BRAF: variants seen among roughly 807,000 people sequenced by gnomAD.
BRAF encodes serine/threonine-protein kinase B-raf.
A neutral mutation model predicts 104.6 loss-of-function variants in BRAF; 16 were observed. The ratio of observed to expected loss-of-function variants is 0.15; its 90% CI spans 0.10 to 0.23. The LOEUF is 0.23. BRAF is among the 10% of genes least tolerant of loss of function. The pLI, the probability that BRAF is intolerant of heterozygous loss-of-function variation, is 1.00. For synonymous variants in BRAF, 310 were observed against 341.6 expected (o/e 0.91, Z 1.02); for missense variants, 541 against 937.3 (o/e 0.58, Z 5.52).
intron 1 of BRAF, among the ~76,000 whole-genome samples, chr7:140,889,529 T>G (rs955830067): frequency 2.6e-5 from 4 of 152,104 alleles, no homozygotes; most frequent in African/African-American, 4.8e-5. Flanking sequence ...GAGAACAAAA[T>G]TTTTAAGTCT....
intron 2 of BRAF, among the ~76,000 whole-genome samples, chr7:140,845,346 C>T (rs1808432391): frequency 1.3e-5 from 2 of 151,766 alleles, no homozygotes; most frequent in African/African-American, 4.8e-5. Context: ...AAGGCAAGAG[C>T]AACAAAAAGA....
At chr7:140,728,617 G>A (rs1795749411) in intron 19 of BRAF, among the ~76,000 whole-genome samples, 1 of 151,304 alleles carries the variant, frequency 6.6e-6, no homozygotes, top group African/African-American at 2.4e-5. Flanking sequence ...ATAATCATAG[G>A]AGGCTATTAT....
intron 1 of BRAF, among the ~76,000 whole-genome samples, chr7:140,886,793 T>C (rs1294662743): frequency 6.6e-6 from 1 of 152,254 alleles, no homozygotes. Context: ...TTTTAAATAA[T>C]TTGTTTAATG....
intron 3 of BRAF, among the ~76,000 whole-genome samples, chr7:140,815,231 G>A (rs921487357): frequency 2.1e-4 from 32 of 150,884 alleles, no homozygotes; most frequent in Admixed American, 1.1e-3. Flanking sequence ...TCCACCTCCC[G>A]GGCTCACGCC....
At chr7:140,910,282 A>G (rs548224680) in intron 1 of BRAF, among the ~76,000 whole-genome samples, 20 of 152,138 alleles carry the variant, frequency 1.3e-4, no homozygotes, top group Non-Finnish European at 2.6e-4. Flanking sequence ...TTCTATTCCC[A>G]CTGCCTATTA....
intron 8 of BRAF, among the ~76,000 whole-genome samples, chr7:140,791,023 C>T (rs1437099605): frequency 6.6e-6 from 1 of 152,290 alleles, no homozygotes; most frequent in African/African-American, 2.4e-5. Context: ...ATTGCTTGAA[C>T]CCGGGAGGTG....
At position 140,812,160 on chromosome 7, in the gene BRAF, C is replaced by CTGTGTGTGTGTGTGTGTGTG. The variant is rs201757515; in HGVS notation, c.505-3185_505-3166dup. On this transcript the variant is annotated intron_variant, in intron 3 of 19. Transcript: ENST00000644969. ...TTTGGGCATGCATGTGCATGCACAC[C>CTGTGTGTGTGTGTGTGTGTG]TGTGTGTGTGTGTGTGTGTGTGTGT... Among the ~76,000 whole-genome samples, 368 of 140,588 alleles carry CTGTGTGTGTGTGTGTGTGTG rather than the reference C, an allele frequency of 2.6e-3. 3 individuals are homozygous for CTGTGTGTGTGTGTGTGTGTG. The highest frequency in any genetic ancestry group is 6.2e-3 in the African/African-American group (238 of 38,156). The allele number at this position is 140,588 out of a possible 152,430, so 92.2% of individuals were successfully genotyped here.
chr7:140,787,145 C>T (rs1033946287), intron 9 of BRAF, among the ~76,000 whole-genome samples: 2 of 151,424 alleles, frequency 1.3e-5, no homozygotes, highest in Non-Finnish European at 2.9e-5. Flanking sequence ...ACTAAAAATA[C>T]AAAAAATTAG....
chr7:140,924,611 G>C lies in BRAF; in HGVS notation c.93C>G (p.Ala31=), dbSNP rs2129153244. The C allele has an allele frequency of 6.5e-7, 1 of 1,527,500 alleles. No homozygotes were observed. The highest frequency in any genetic ancestry group is 8.7e-7 in the Non-Finnish European group (1 of 1,143,288). 94.6% of individuals were successfully genotyped at this position (1,527,500 alleles called of 1,614,324 possible). Residue 31 remains alanine (A), a synonymous_variant, in exon 1 of 20, where the codon GCC becomes GCG. Transcript: ENST00000644969. This position sits in a 1 kb window ranked among gnomAD's most constrained non-coding sequence, Gnocchi z 4.2. ...CCGCAGCCGAAGAGGCCGCGGCGCC[G>C]GCGCCGGCGCCGGCCTCGGGCTCCA... The part of the protein sequence containing the change: ...GDMEPEAGAG[A]GAAASSAADP...
Position 140,924,531 on chromosome 7 carries a change from A to C in BRAF, c.138+35T>G. ...AACACCAGCCAGCCGCCGAGCCCGG[A>C]GTCGGGAGGGCGGCAGGGTGGCGCC... On this transcript the variant is annotated intron_variant, in intron 1 of 19. Transcript: ENST00000644969. This position sits in a 1 kb window ranked among gnomAD's most constrained non-coding sequence, Gnocchi z 4.2. 1 of 1,531,716 alleles carries C rather than the reference A, an allele frequency of 6.5e-7. No homozygotes were observed. Among genetic ancestry groups the C allele is most frequent in the Non-Finnish European group, 8.7e-7 (1 of 1,144,846 alleles). The allele number at this position is 1,531,716 out of a possible 1,614,324, so 94.9% of individuals were successfully genotyped here.
intron 1 of BRAF, among the ~76,000 whole-genome samples, chr7:140,891,531 CT>C (rs1814216643): frequency 6.6e-6 from 1 of 151,912 alleles, no homozygotes; most frequent in African/African-American, 2.4e-5. Flanking sequence ...TTTCCTAATA[CT>C]TTTGATCTGC....
chr7:140,726,124 A>G lies in BRAF; in HGVS notation c.*370T>C. The G allele has an allele frequency of 9.0e-7, 1 of 1,105,920 alleles. No homozygotes were observed. The highest frequency in any genetic ancestry group is 1.1e-6 in the Non-Finnish European group (1 of 906,196). 68.5% of individuals were successfully genotyped at this position (1,105,920 alleles called of 1,614,324 possible). A position where few individuals can be genotyped will look rare whatever the true frequency, so the allele number is the denominator to read the frequency against. On this transcript the variant is annotated 3_prime_UTR_variant, in exon 20 of 20. Transcript: ENST00000644969. ...TCAGCCACAAATTGATCTGGTGGTT[A>G]GAAGGGCAAAGTTGACTGGCAGACT...
At chr7:140,829,118 CTATT>C (rs1348283345) in intron 3 of BRAF, among the ~76,000 whole-genome samples, 2 of 150,172 alleles carry the variant, frequency 1.3e-5, no homozygotes, top group Non-Finnish European at 3.0e-5. Context: ...ATTCAGAAGA[CTATT>C]TACTTCTTGG....
At chr7:140,827,177 T>C (rs910378273) in intron 3 of BRAF, among the ~76,000 whole-genome samples, 2 of 152,204 alleles carry the variant, frequency 1.3e-5, no homozygotes, top group East Asian at 3.8e-4. Flanking sequence ...TTCTACTTGG[T>C]TCTTTCTTAG....
intron 1 of BRAF, among the ~76,000 whole-genome samples, chr7:140,854,992 G>A (rs1305325358): frequency 6.6e-6 from 1 of 152,032 alleles, no homozygotes; most frequent in African/African-American, 2.4e-5. Flanking sequence ...GTATAGTGGG[G>A]CCAGACCATA....
chr7:140,740,830 G>C (rs1796859721), intron 17 of BRAF: 1 of 152,236 alleles, frequency 6.6e-6, no homozygotes, highest in Non-Finnish European at 1.5e-5. Flanking sequence ...CATTAGTAAA[G>C]CTTTGATTGC....
At chr7:140,884,724 C>T (rs912476735) in intron 1 of BRAF, among the ~76,000 whole-genome samples, 2 of 152,014 alleles carry the variant, frequency 1.3e-5, no homozygotes, top group African/African-American at 4.8e-5. Context: ...GTTGGGATTA[C>T]AGGTGTTAGC....
intron 1 of BRAF, among the ~76,000 whole-genome samples, chr7:140,903,535 T>C (rs1013433408): frequency 6.6e-6 from 1 of 152,182 alleles, no homozygotes; most frequent in African/African-American, 2.4e-5. Flanking sequence ...AGATGAACGT[T>C]TTCTCACCTG....
chr7:140,757,935 TAAGAA>T (rs1271789313), intron 14 of BRAF, among the ~76,000 whole-genome samples: 1 of 152,220 alleles, frequency 6.6e-6, no homozygotes, highest in Non-Finnish European at 1.5e-5. Context: ...ATCTTATCCT[TAAGAA>T]AACAATGAGA....
Sources: allele counts gnomAD v4.1 joint callset (sites outside exome capture counted in the v4.1 genomes callset), GRCh38; gene constraint gnomAD v4.1.1; non-coding constraint Gnocchi (gnomAD v3.1); transcripts MANE v1.5; gene names NCBI Gene and HGNC (gene_info 2026-07-23, HGNC 2026-07-21).